RABGAP1L: variants seen among roughly 807,000 people sequenced by gnomAD.
RABGAP1L encodes the protein RAB GTPase activating protein 1 like.
In RABGAP1L, 63 loss-of-function variants were observed where a neutral mutation model predicts 137.7. The observed-to-expected ratio is 0.46, with a 90% confidence interval of 0.37 to 0.56. The LOEUF is 0.56. Among genes scored for constraint, RABGAP1L ranks in the 20% least tolerant of loss-of-function variants. The pLI is 0.00. For synonymous variants in RABGAP1L, 431 were observed against 433.7 expected (o/e 0.99, Z 0.08); for missense variants, 1,095 against 1,244.0 (o/e 0.88, Z 1.80).
intron 14 of RABGAP1L, among the ~76,000 whole-genome samples, chr1:174,655,958 T>C (rs1675936500): frequency 6.6e-6 from 1 of 152,216 alleles, no homozygotes; most frequent in Non-Finnish European, 1.5e-5. Context: ...CTTGTTTCCT[T>C]TAGTCAAAAT....
intron 17 of RABGAP1L, among the ~76,000 whole-genome samples, chr1:174,711,392 CAG>C (rs780164334): frequency 6.6e-6 from 1 of 152,046 alleles, no homozygotes; most frequent in African/African-American, 2.4e-5. Flanking sequence ...TGTCACCTCT[CAG>C]AGGGAGAGGC....
At chr1:174,534,435 A>T (rs1170019220) in intron 13 of RABGAP1L, among the ~76,000 whole-genome samples, 15 of 152,022 alleles carry the variant, frequency 9.9e-5, no homozygotes, top group Admixed American at 2.0e-4. Flanking sequence ...GGTTTAATTT[A>T]TAATGTTTGC....
chr1:174,604,262 A>G (rs1047943020), intron 13 of RABGAP1L, among the ~76,000 whole-genome samples: 1 of 152,192 alleles, frequency 6.6e-6, no homozygotes, highest in Non-Finnish European at 1.5e-5. Flanking sequence ...TGACTGGTCT[A>G]AATGCTCCCT....
intron 13 of RABGAP1L, among the ~76,000 whole-genome samples, chr1:174,407,334 T>C (rs1372597927): frequency 6.6e-6 from 1 of 151,832 alleles, no homozygotes; most frequent in Non-Finnish European, 1.5e-5. Flanking sequence ...ATATCTTTAA[T>C]TTTCTTTTTT....
intron 17 of RABGAP1L, among the ~76,000 whole-genome samples, chr1:174,731,587 T>G (rs532166287): frequency 6.6e-6 from 1 of 152,258 alleles, no homozygotes; most frequent in Non-Finnish European, 1.5e-5. Flanking sequence ...AACCCTGTTA[T>G]ACCCTGGAAC....
chr1:174,639,011 A>G (rs1459744733), intron 14 of RABGAP1L, among the ~76,000 whole-genome samples: 2 of 150,610 alleles, frequency 1.3e-5, no homozygotes, highest in African/African-American at 2.4e-5. Context: ...CAATGTGCAC[A>G]TGTACCCTAA....
chr1:174,213,970 A>G (rs1265673766), intron 1 of RABGAP1L, among the ~76,000 whole-genome samples: 1 of 152,182 alleles, frequency 6.6e-6, no homozygotes. Context: ...TGTTTTCAGC[A>G]TATACTGGAA....
chr1:174,915,421 AT>A (rs900988604), intron 19 of RABGAP1L, among the ~76,000 whole-genome samples: 2 of 151,768 alleles, frequency 1.3e-5, no homozygotes, highest in Non-Finnish European at 2.9e-5. Context: ...TGCCCTTTAT[AT>A]ATTTTCTTTG....
intron 11 of RABGAP1L, among the ~76,000 whole-genome samples, chr1:174,307,195 C>T (rs1349465264): frequency 6.6e-6 from 1 of 152,146 alleles, no homozygotes; most frequent in African/African-American, 2.4e-5. Flanking sequence ...GATCTGAGTC[C>T]AGGCTATCTG....
chr1:174,775,266 A>G (rs1166820759), intron 18 of RABGAP1L, among the ~76,000 whole-genome samples: 1 of 152,130 alleles, frequency 6.6e-6, no homozygotes, highest in Non-Finnish European at 1.5e-5. Context: ...GAAACTCAGC[A>G]GCCATGTGCC....
intron 11 of RABGAP1L, among the ~76,000 whole-genome samples, chr1:174,333,630 G>A (rs1471141011): frequency 2.0e-5 from 3 of 152,100 alleles, no homozygotes; most frequent in East Asian, 1.9e-4. Flanking sequence ...AATTATTCAC[G>A]AAAAACTACT....
At chr1:174,452,961 T>C (rs1655606891) in intron 13 of RABGAP1L, among the ~76,000 whole-genome samples, 1 of 152,124 alleles carries the variant, frequency 6.6e-6, no homozygotes, top group South Asian at 2.1e-4. Context: ...CATTGAGCAT[T>C]AGGGTTTTCT....
intron 19 of RABGAP1L, among the ~76,000 whole-genome samples, chr1:174,892,047 C>CATG: frequency 6.6e-6 from 1 of 152,352 alleles, no homozygotes; most frequent in South Asian, 2.1e-4. Flanking sequence ...GGGCCACAGT[C>CATG]CGGGTGGGCA....
chr1:174,616,392 C>G (rs940915593), intron 13 of RABGAP1L, among the ~76,000 whole-genome samples: 2 of 152,230 alleles, frequency 1.3e-5, no homozygotes, highest in Admixed American at 6.5e-5. Context: ...TTGAGTCTGT[C>G]TCCATCTTGG....
At chr1:174,300,149 C>T (rs999694869) in intron 10 of RABGAP1L, among the ~76,000 whole-genome samples, 6 of 152,152 alleles carry the variant, frequency 3.9e-5, no homozygotes, top group Admixed American at 3.3e-4. Context: ...ATCATTTTGG[C>T]AATCCCATAT....
chr1:174,948,545 G>C (rs1165450805), intron 19 of RABGAP1L, among the ~76,000 whole-genome samples: 1 of 148,784 alleles, frequency 6.7e-6, no homozygotes, highest in Non-Finnish European at 1.5e-5. Flanking sequence ...AGTGTAACTG[G>C]ATTCTTTGTA....
intron 13 of RABGAP1L, among the ~76,000 whole-genome samples, chr1:174,428,792 A>C (rs1652261424): frequency 6.6e-6 from 1 of 152,216 alleles, no homozygotes; most frequent in African/African-American, 2.4e-5. Context: ...ATCTAAATAC[A>C]TGGAGATATA....
At chr1:174,789,553 AT>A (rs1403192791) in intron 18 of RABGAP1L, among the ~76,000 whole-genome samples, 25 of 152,240 alleles carry the variant, frequency 1.6e-4, no homozygotes, top group African/African-American at 5.8e-4. Context: ...TGTAAGCTAA[AT>A]TTACTCAGCA....
At chr1:174,835,125 A>C (rs369033968) in intron 19 of RABGAP1L, among the ~76,000 whole-genome samples, 2 of 152,176 alleles carry the variant, frequency 1.3e-5, no homozygotes, top group African/African-American at 4.8e-5. Flanking sequence ...GAAAGACTTG[A>C]GAGTGAGTAA....
Sources: gnomAD v4.1 joint callset for allele counts (sites outside exome capture counted in the v4.1 genomes callset) on GRCh38, gnomAD v4.1.1 for gene constraint, MANE v1.5 for transcripts, NCBI Gene and HGNC (gene_info 2026-07-23, HGNC 2026-07-21) for gene names.